The following DNAJA1 variants were observed in gnomAD, a reference collection of about 807,000 sequenced individuals.
The protein encoded by DNAJA1 is dnaJ homolog subfamily A member 1.
Under a neutral mutation model 47.6 loss-of-function variants are expected in DNAJA1, and 26 were observed. That is an observed-to-expected ratio of 0.55 (90% CI 0.40 to 0.76). The LOEUF (loss-of-function observed/expected upper bound fraction) is 0.76, where lower values mean the gene tolerates loss of function less well. Ranked by LOEUF, DNAJA1 falls within the 30% of genes least tolerant of loss-of-function variation. The probability of loss-of-function intolerance (pLI) is 0.00; values close to 1 mark genes in which losing one functional copy is unlikely to be tolerated. For missense variants in DNAJA1, 315 were observed against 485.0 expected, an observed-to-expected ratio of 0.65 and a Z score of 3.29; for synonymous variants, 165 against 158.4, an observed-to-expected ratio of 1.04 and a Z score of -0.31.
intron 5 of DNAJA1, among the ~76,000 whole-genome samples, chr9:33,031,318 G>A (rs980924209): frequency 2.0e-5 from 3 of 152,098 alleles, no homozygotes; most frequent in African/African-American, 7.2e-5. Flanking sequence ...GGCTGATCTC[G>A]AACACTTGAC....
chr9:33,028,336 A>T (rs1838907764), intron 3 of DNAJA1, among the ~76,000 whole-genome samples: 1 of 152,218 alleles, frequency 6.6e-6, no homozygotes, highest in African/African-American at 2.4e-5. Flanking sequence ...GGGCTCTAGA[A>T]ATACTGCTTA....
Position 33,026,891 on chromosome 9 carries a change from G to A in DNAJA1, c.211G>A (p.Ala71Thr). Residue 71 changes from alanine to threonine, a missense_variant, in exon 3 of 9, where the codon GCA becomes ACA. Physicochemically the swap from Ala to Thr is moderately conservative, Grantham distance 58 (BLOSUM62 0). Transcript: ENST00000330899. Reference protein sequence around the residue: ...RELYDKGGEQAIKEGGAGGGF... With the variant: ...RELYDKGGEQTIKEGGAGGGF... ...ATTATATGACAAAGGAGGAGAACAG[G>A]CAATTAAAGAGGGTGGAGCAGGTGG... 6.2e-7 allele frequency: 1 copy of A among 1,614,184 alleles called. No individual in the cohort carries two copies. Among genetic ancestry groups the A allele is most frequent in the Non-Finnish European group, 8.5e-7 (1 of 1,180,030 alleles).
chr9:33,029,616 T>A (rs1838929228), intron 3 of DNAJA1, among the ~76,000 whole-genome samples: 1 of 152,240 alleles, frequency 6.6e-6, no homozygotes, highest in Non-Finnish European at 1.5e-5. Flanking sequence ...AAGGTAATGC[T>A]TTTGCTTACC....
Position 33,026,591 on chromosome 9 carries a change from A to T in DNAJA1, c.107A>T (p.Asp36Val). 1 of 1,607,438 alleles carries T rather than the reference A, an allele frequency of 6.2e-7. No individual in the cohort carries two copies. Among genetic ancestry groups the T allele is most frequent in the African/African-American group, 1.3e-5 (1 of 74,200 alleles). Residue 36 changes from aspartate to valine, a missense_variant, in exon 2 of 9, where the codon GAT (aspartate) becomes GTT (valine). Physicochemically the swap from Asp to Val is radical, Grantham distance 152. Coordinates refer to ENST00000330899, the MANE Select transcript of DNAJA1 (RefSeq NM_001539.4). ...YRKLALKYHP[D>V]KNPNEGEKFK... is the part of the protein sequence containing the mutation. ...AAACTGGCTTTGAAGTACCATCCTGATAAGAACCCAAATGAAGGAGAGAAG... is the reference window on the plus strand; with the variant it reads ...AAACTGGCTTTGAAGTACCATCCTGTTAAGAACCCAAATGAAGGAGAGAAG...
Position 33,026,821 on chromosome 9 carries a change from G to C in DNAJA1, c.141G>C (p.Gln47His). Residue 47 changes from glutamine to histidine, a missense_variant, in exon 3 of 9, where the codon CAG becomes CAC. Physicochemically the swap from Gln to His is conservative, Grantham distance 24 (BLOSUM62 0). This residue lies in a region of DNAJA1 where 100 missense variants were observed against 163.0 expected (regional missense o/e 0.61). Coordinates refer to ENST00000330899, the MANE Select transcript of DNAJA1 (RefSeq NM_001539.4). ...KNPNEGEKFK[Q>H]ISQAYEVLSD... ...CCTCTTTTCTCAAACAGTTTAAACA[G>C]ATTTCTCAAGCTTACGAAGTTCTCT... is the stretch of plus-strand genomic sequence containing the variant. 1.2e-6 allele frequency: 2 copies of C among 1,613,580 alleles called. No individual in the cohort carries two copies. Among genetic ancestry groups the C allele is most frequent in the South Asian group, 2.2e-5 (2 of 91,038 alleles).
chr9:33,038,645 A>G (rs1041824142), intron 8 of DNAJA1, 40 bp from the exon 9 acceptor site: 1 of 1,581,040 alleles, frequency 6.3e-7, no homozygotes, highest in East Asian at 2.2e-5. Context: ...AAGGGAGCTA[A>G]TGATGAAATC....
chr9:33,026,279 C>G (rs1213220082), intron 1 of DNAJA1, among the ~76,000 whole-genome samples, 196 bp from the exon 2 acceptor site: 3 of 152,190 alleles, frequency 2.0e-5, no homozygotes, highest in African/African-American at 7.2e-5. Context: ...CAGATTATTT[C>G]CCGATAATGA....
At chr9:33,032,506 A>G (rs1432105218) in intron 5 of DNAJA1, among the ~76,000 whole-genome samples, 1 of 152,204 alleles carries the variant, frequency 6.6e-6, no homozygotes, top group Admixed American at 6.5e-5. Flanking sequence ...GGGGAAAAAA[A>G]TTGGTCTTGT....
At chr9:33,033,186 G>T (rs1838986396) in intron 5 of DNAJA1, among the ~76,000 whole-genome samples, 1 of 150,914 alleles carries the variant, frequency 6.6e-6, no homozygotes, top group Non-Finnish European at 1.5e-5. Flanking sequence ...AAAAAGGCGT[G>T]TTTTTTTGCC....
At position 33,026,491 on chromosome 9, in the gene DNAJA1, A is replaced by G; in HGVS notation, c.7A>G (p.Lys3Glu). 1 of 1,604,690 alleles carries G rather than the reference A, an allele frequency of 6.2e-7. No homozygotes were observed. The highest frequency in any genetic ancestry group is 8.5e-7 in the Non-Finnish European group (1 of 1,177,922). The change falls in exon 2 of 9, where the codon AAA (lysine) becomes GAA (glutamate). Residue 3 changes from lysine to glutamate, a missense_variant. Physicochemically the swap from Lys to Glu is moderately conservative, Grantham distance 56 (BLOSUM62 1). Transcript: ENST00000330899. The stretch of plus-strand genomic sequence containing the variant: ...TTATTTCAGGCAGTAGAAGATGGTG[A>G]AAGAAACAACTTACTACGATGTTTT... MV[K>E]ETTYYDVLGV...
chr9:33,029,098 T>G (rs1316694101), intron 3 of DNAJA1, among the ~76,000 whole-genome samples: 1 of 152,240 alleles, frequency 6.6e-6, no homozygotes, highest in African/African-American at 2.4e-5. Flanking sequence ...TTAAGTGAAG[T>G]AAGGCACTCC....
chr9:33,034,928 A>C (rs952245570), intron 6 of DNAJA1, among the ~76,000 whole-genome samples: 6 of 151,906 alleles, frequency 3.9e-5, no homozygotes, highest in Non-Finnish European at 8.8e-5. Context: ...ACTTGAGGCC[A>C]GGAGTCCTAG....
chr9:33,039,574 C>A lies in DNAJA1; in HGVS notation c.*671C>A, dbSNP rs1379627887. 8.3e-6 allele frequency: 1 copy of A among 120,844 alleles called. No homozygotes were observed. The highest frequency in any genetic ancestry group is 2.9e-5 in the African/African-American group (1 of 34,372). The allele number at this position is 120,844 out of a possible 1,614,324, so 7.5% of individuals were successfully genotyped here. A position where few individuals can be genotyped will look rare whatever the true frequency, so the allele number is the denominator to read the frequency against. On this transcript the variant is annotated 3_prime_UTR_variant, in exon 9 of 9. Coordinates refer to ENST00000330899, the MANE Select transcript of DNAJA1 (RefSeq NM_001539.4). ...ATATATATATATAATCTTGACCAGTCCTGGTCATTTGCTCCCCTCCTTGTC... is the reference window on the plus strand; with the variant it reads ...ATATATATATATAATCTTGACCAGTACTGGTCATTTGCTCCCCTCCTTGTC...
chr9:33,036,010 C>G (rs939284487), intron 6 of DNAJA1: 8 of 152,260 alleles, frequency 5.3e-5, no homozygotes, highest in Admixed American at 4.6e-4. Context: ...GTGGCACGAT[C>G]TCAACTCACT....
intron 8 of DNAJA1, 98 bp from the exon 9 acceptor site, chr9:33,038,587 T>TA: frequency 1.9e-6 from 2 of 1,079,106 alleles, no homozygotes; most frequent in South Asian, 3.2e-5. Flanking sequence ...ACCTAAATAT[T>TA]ACGTGTTTAC....
At chr9:33,036,917 T>C (rs1587700901) in intron 7 of DNAJA1, 98 bp from the exon 8 acceptor site, 1 of 1,128,602 alleles carries the variant, frequency 8.9e-7, no homozygotes, top group Non-Finnish European at 1.3e-6. Flanking sequence ...TAAGTTTTAC[T>C]CCTGCCAATG....
chr9:33,030,226 A>G (rs969678406), intron 4 of DNAJA1, among the ~76,000 whole-genome samples: 1 of 146,060 alleles, frequency 6.8e-6, no homozygotes, highest in Admixed American at 6.9e-5. Flanking sequence ...CTAGTTTGGT[A>G]TCTTTTTTGT....
chr9:33,025,544 G>A (rs144077308), intron 1 of DNAJA1, among the ~76,000 whole-genome samples, 161 bp downstream of exon 1: 2 of 152,326 alleles, frequency 1.3e-5, no homozygotes, highest in Non-Finnish European at 2.9e-5. Context: ...GTGGTGCCCT[G>A]GCAACCCATC....
At chr9:33,031,432 G>T (rs12000958) in intron 5 of DNAJA1, among the ~76,000 whole-genome samples, 49,695 of 151,730 alleles carry the variant, frequency 0.33, 8,417 homozygotes, top group Non-Finnish European at 0.37. Context: ...GCATGTTTTT[G>T]TTTGTTTGTT....
Sources: allele counts gnomAD v4.1 joint callset (sites outside exome capture counted in the v4.1 genomes callset), GRCh38; gene constraint gnomAD v4.1.1; regional missense constraint gnomAD v4.1.1; transcripts MANE v1.5; gene names NCBI Gene and HGNC (gene_info 2026-07-23, HGNC 2026-07-21).